The following DCHS1 variants were observed in gnomAD, a reference collection of about 807,000 sequenced individuals.
DCHS1 encodes the protein dachsous cadherin-related 1, also known as protocadherin-16.
DCHS1 carries 78 observed loss-of-function variants against 213.9 expected under a neutral mutation model. That is an observed-to-expected ratio of 0.36 (90% CI 0.30 to 0.44). The LOEUF (loss-of-function observed/expected upper bound fraction) is 0.44, where lower values mean the gene tolerates loss of function less well. DCHS1 is among the 20% of genes least tolerant of loss of function. The pLI is 1.00. For synonymous variants in DCHS1, 1,828 were observed against 1,873.7 expected, an observed-to-expected ratio of 0.98 and a Z score of 0.63; for missense variants, 3,946 against 4,395.9, an observed-to-expected ratio of 0.90 and a Z score of 2.89.
chr11:6,634,421 A>G, intron 2 of DCHS1, 115 bp from the exon 3 acceptor site: 2 of 1,199,044 alleles, frequency 1.7e-6, no homozygotes, highest in South Asian at 3.4e-5. Context: ...ACACACAGAG[A>G]GGACTAGTAG....
Position 6,622,246 on chromosome 11 carries a change from C to T in DCHS1, c.9430G>A (p.Ala3144Thr), listed in dbSNP as rs919429958. The T allele has an allele frequency of 1.9e-6, 3 of 1,602,606 alleles. No individual in the cohort carries two copies. Among genetic ancestry groups the T allele is most frequent in the Admixed American group, 1.7e-5 (1 of 58,908 alleles). The stretch of plus-strand genomic sequence containing the variant: ...GCCACAATGGCTGTCAGCGCACCTG[C>T]CACACATGGCTTGCCATCTGCTGGG... ...GFPADGKPCV[A>T]GALTAIVAGE... Residue 3144 changes from alanine to threonine, a missense_variant, in exon 21 of 21, where the codon GCA (alanine) becomes ACA (threonine). By Grantham distance (58) the Ala-to-Thr change is moderately conservative. Transcript: ENST00000299441. This position sits in a 1 kb window ranked among gnomAD's most constrained non-coding sequence, Gnocchi z 5.4.
At chr11:6,639,109 CA>C (rs36017764) in intron 2 of DCHS1, among the ~76,000 whole-genome samples, 51,397 of 141,600 alleles carry the variant, frequency 0.36, 10,187 homozygotes, top group East Asian at 0.51. Context: ...GACTCCGCCT[CA>C]AAAAAAAAAA....
In DCHS1 at chr11:6,625,630, T is replaced by C; in HGVS notation, c.6829A>G (p.Ile2277Val). 1 of 1,613,516 alleles carries C rather than the reference T, an allele frequency of 6.2e-7. No individual in the cohort carries two copies. Among genetic ancestry groups the C allele is most frequent in the Non-Finnish European group, 8.5e-7 (1 of 1,179,826 alleles). The change falls in exon 18 of 21, where the codon ATC becomes GTC. Residue 2277 changes from isoleucine (I) to valine (V), a missense_variant. By Grantham distance (29) the Ile-to-Val change is conservative (BLOSUM62 3). Coordinates refer to ENST00000299441, the MANE Select transcript of DCHS1 (RefSeq NM_003737.4). The surrounding 1 kb of genome is among the most constrained non-coding windows in gnomAD (Gnocchi z 5.3). ...ACTCGGAGCTCCCAGGGTTGGGGGA[T>C]GGTGGGGCGATTGTCATTGGTGTCG... ...VIDTNDNRPT[I>V]PQPWELRVSE...
chr11:6,627,557 G>T lies in DCHS1; in HGVS notation c.5482C>A (p.Arg1828=), dbSNP rs574706163. 12 of 1,612,652 alleles carry T rather than the reference G, an allele frequency of 7.4e-6. No individual in the cohort carries two copies. In the Middle Eastern group the frequency reaches 6.6e-4, roughly 89 times the overall value. The part of the protein sequence containing the change: ...EPAFQLRIEA[R]DGGQPALSAT... Reference sequence around the variant, plus strand: ...CTGAGAGCTGGCTGGCCTCCATCCCGGGCCTCTATCCTCAGCTGGAAAGCT... The same window carrying T: ...CTGAGAGCTGGCTGGCCTCCATCCCTGGCCTCTATCCTCAGCTGGAAAGCT... The change falls in exon 14 of 21, where the codon CGG becomes AGG. Residue 1828 remains arginine (R), a synonymous_variant. Transcript: ENST00000299441. This position sits in a 1 kb window ranked among gnomAD's most constrained non-coding sequence, Gnocchi z 5.4.
intron 2 of DCHS1, among the ~76,000 whole-genome samples, chr11:6,638,558 C>T (rs1486562228): frequency 2.0e-5 from 3 of 152,282 alleles, no homozygotes; most frequent in East Asian, 1.9e-4. Context: ...TCCATCTGCA[C>T]ACCTCATATT....
Position 6,624,664 on chromosome 11 carries a change from A to G in DCHS1, c.7285+66T>C, listed in dbSNP as rs117657616. On this transcript the variant is annotated intron_variant, in intron 20 of 20. Transcript: ENST00000299441. ...TTAAAGAGTTTGAGTAACAAATTCA[A>G]GGAATGAGGTCAGATTACAGCCCAA... 342 of 1,600,560 alleles carry G rather than the reference A, an allele frequency of 2.1e-4. 1 individual carries two copies. In the East Asian group the frequency reaches 7.6e-3, roughly 35 times the overall value.
intron 1 of DCHS1, among the ~76,000 whole-genome samples, chr11:6,646,306 T>C (rs1589963026): frequency 6.6e-6 from 1 of 152,162 alleles, no homozygotes; most frequent in Non-Finnish European, 1.5e-5. Context: ...GACCTCCAGG[T>C]CCCTGGGGCC....
In DCHS1 at chr11:6,626,001, C is replaced by T. The variant is rs149822394; in HGVS notation, c.6650G>A (p.Arg2217His). The change falls in exon 17 of 21, where the codon CGT (arginine) becomes CAT (histidine). Residue 2217 changes from arginine (R) to histidine (H), a missense_variant. Coordinates refer to ENST00000299441, the MANE Select transcript of DCHS1 (RefSeq NM_003737.4). The surrounding 1 kb of genome is among the most constrained non-coding windows in gnomAD (Gnocchi z 5.2). ...SYSLAASQPARGLFHVDPTTG... is the reference protein window; with the variant it reads ...SYSLAASQPAHGLFHVDPTTG... ...GGTTGGGTCTACGTGGAACAATCCA[C>T]GTGCCGGCTGGGATGCAGCCAGACT... 24 of 1,613,124 alleles carry T rather than the reference C, an allele frequency of 1.5e-5. No individual in the cohort carries two copies. Among genetic ancestry groups the T allele is most frequent in the South Asian group, 9.9e-5 (9 of 90,838 alleles).
rs758556187 is a variant in DCHS1 at position 6,625,351 on chromosome 11, G to C, written c.6993C>G (p.Val2331=). The C allele has an allele frequency of 9.9e-6, 16 of 1,613,670 alleles. No individual in the cohort carries two copies. The Admixed American group carries it at 1.3e-4, about 13-fold the overall frequency. Residue 2331 remains valine, a synonymous_variant, in exon 19 of 21, where the codon GTC becomes GTG. Transcript: ENST00000299441. The surrounding 1 kb of genome is among the most constrained non-coding windows in gnomAD (Gnocchi z 5.3). The part of the protein sequence containing the change: ...PFSVGRYGGR[V]SLTGPLDFEQ... ...CAAAGTCCAGGGGCCCCGTGAGGGA[G>C]ACACGGCCTCCATAGCGGCCAACAC...
chr11:6,631,210 C>A lies in DCHS1; in HGVS notation c.3773G>T (p.Gly1258Val). 6.2e-7 allele frequency: 1 copy of A among 1,611,830 alleles called. No homozygotes were observed. Among genetic ancestry groups the A allele is most frequent in the Non-Finnish European group, 8.5e-7 (1 of 1,178,176 alleles). Residue 1258 changes from glycine to valine, a missense_variant and splice_region_variant, in exon 9 of 21, where the codon GGT becomes GTT. Physicochemically the swap from Gly to Val is moderately radical, Grantham distance 109. Transcript: ENST00000299441. ...ENGTILYTLTGPGSELFSLHP... is the reference protein window; with the variant it reads ...ENGTILYTLTVPGSELFSLHP... ...CAGAGAGAAAAGCTCTGAGCCAGGA[C>A]CTGGGGACAGGCAGAGGAAGATGAG...
Position 6,627,327 on chromosome 11 carries a change from C to T in DCHS1, c.5712G>A (p.Leu1904=). 1 of 1,610,166 alleles carries T rather than the reference C, an allele frequency of 6.2e-7. No individual in the cohort carries two copies. Among genetic ancestry groups the T allele is most frequent in the Non-Finnish European group, 8.5e-7 (1 of 1,178,338 alleles). Residue 1904 remains leucine, a synonymous_variant, in exon 14 of 21, where the codon CTG becomes CTA. Coordinates refer to ENST00000299441, the MANE Select transcript of DCHS1 (RefSeq NM_003737.4). This position sits in a 1 kb window ranked among gnomAD's most constrained non-coding sequence, Gnocchi z 5.4. ...LGAGTAGAFL[L]EPSSGELRTA... is the part of the protein sequence containing the mutation. ...TGCGCAGTTCTCCAGAGCTGGGCTC[C>T]AGCAGGAAGGCTCCTGCTGTACCGG... is the stretch of plus-strand genomic sequence containing the variant.
intron 1 of DCHS1, among the ~76,000 whole-genome samples, chr11:6,652,028 G>A (rs972557303): frequency 2.0e-5 from 3 of 152,168 alleles, no homozygotes; most frequent in Admixed American, 6.5e-5. Flanking sequence ...TGTATACAGT[G>A]AGACAATAAG....
At chr11:6,655,459 G>T in intron 1 of DCHS1, 104 bp downstream of exon 1, 1 of 791,564 alleles carries the variant, frequency 1.3e-6, no homozygotes, top group Non-Finnish European at 1.5e-6. Context: ...ATTGTCTCCG[G>T]CTCAGAACAA....
At chr11:6,642,501 G>T (rs1411278590) in intron 1 of DCHS1, among the ~76,000 whole-genome samples, 10 of 152,124 alleles carry the variant, frequency 6.6e-5, no homozygotes, top group Admixed American at 6.5e-4. Flanking sequence ...AAATAACTAG[G>T]TGCTAGCTAG....
intron 9 of DCHS1, 33 bp from the exon 10 acceptor site, chr11:6,630,896 T>C: frequency 6.7e-7 from 1 of 1,497,998 alleles, no homozygotes; most frequent in Non-Finnish European, 8.9e-7. Context: ...AACAGAATTG[T>C]GAGGGCCCGT....
At position 6,627,252 on chromosome 11, in the gene DCHS1, C is replaced by T. The variant is rs1231832796; in HGVS notation, c.5787G>A (p.Val1929=). 22 of 1,613,316 alleles carry T rather than the reference C, an allele frequency of 1.4e-5. No homozygotes were observed. Among genetic ancestry groups the T allele is most frequent in the Non-Finnish European group, 1.9e-5 (22 of 1,179,880 alleles). The change falls in exon 14 of 21, where the codon GTG becomes GTA. Residue 1929 remains valine (V), a synonymous_variant. Coordinates refer to ENST00000299441, the MANE Select transcript of DCHS1 (RefSeq NM_003737.4). This position sits in a 1 kb window ranked among gnomAD's most constrained non-coding sequence, Gnocchi z 5.4. ...REQCPSYTFS[V]SAVDGAAAGP... ...CAGCAGCTGCACCATCCACTGCACT[C>T]ACAGAAAAGGTGTAGCTGGGACACT...
rs749456505 is a variant in DCHS1 at position 6,624,081 on chromosome 11, T to C, written c.7595A>G (p.Gln2532Arg). The C allele has an allele frequency of 2.5e-6, 4 of 1,612,790 alleles. No individual in the cohort carries two copies. The Admixed American group carries it at 5.0e-5, about 20-fold the overall frequency. Residue 2532 changes from glutamine to arginine, a missense_variant, in exon 21 of 21, where the codon CAG becomes CGG. Gln to Arg is a conservative substitution (Grantham distance 43). Transcript: ENST00000299441. ...IISGNWGRVF[Q>R]LEPRLAEAGE... is the part of the protein sequence containing the mutation. ...AGCCTCAGCCAGCCTGGGTTCCAGC[T>C]GGAAGACTCGGCCCCAGTTGCCACT...
chr11:6,627,201 G>A lies in DCHS1; in HGVS notation c.5838C>T (p.Val1946=), dbSNP rs148270676. 32 of 1,613,190 alleles carry A rather than the reference G, an allele frequency of 2.0e-5. No individual in the cohort carries two copies. In the South Asian group the frequency reaches 3.0e-4, roughly 15 times the overall value. Reference sequence around the variant, plus strand: ...CATTGACATCGCGCACCGTGATGGTGACAGACACTGTGGTGCTTAGGGGCC... The same window carrying A: ...CATTGACATCGCGCACCGTGATGGTAACAGACACTGTGGTGCTTAGGGGCC... ...AAGPLSTTVS[V]TITVRDVNDH... is the part of the protein sequence containing the mutation. The change falls in exon 14 of 21, where the codon GTC becomes GTT. Residue 1946 remains valine (V), a synonymous_variant. Coordinates refer to ENST00000299441, the MANE Select transcript of DCHS1 (RefSeq NM_003737.4). The surrounding 1 kb of genome is among the most constrained non-coding windows in gnomAD (Gnocchi z 5.4).
chr11:6,632,483 G>T lies in DCHS1; in HGVS notation c.3029C>A (p.Pro1010His). ...CTGAGTTCCAGCAGTGGTGCCTGAG[G>T]GCAGGTCCACACGGTAGGTAGGGCT... ...FNSPTYRVDL[P>H]SGTTAGTQVL... Residue 1010 changes from proline to histidine, a missense_variant, in exon 6 of 21, where the codon CCC becomes CAC. Physicochemically the swap from Pro to His is moderately conservative, Grantham distance 77. Around this residue, in one of 3 missense-constraint regions of DCHS1, gnomAD observed 3,384 missense variants for 3,780.1 expected, o/e 0.90. Transcript: ENST00000299441. This position sits in a 1 kb window ranked among gnomAD's most constrained non-coding sequence, Gnocchi z 5.9. The T allele has an allele frequency of 6.3e-7, 1 of 1,584,308 alleles. No homozygotes were observed.
Sources: gnomAD v4.1 joint callset for allele counts (sites outside exome capture counted in the v4.1 genomes callset) on GRCh38, gnomAD v4.1.1 for gene constraint, gnomAD v4.1.1 regional missense constraint, Gnocchi (gnomAD v3.1) non-coding constraint, MANE v1.5 for transcripts, NCBI Gene and HGNC (gene_info 2026-07-23, HGNC 2026-07-21) for gene names.